The following LYPLAL1 variants were observed in gnomAD, a reference collection of about 807,000 sequenced individuals.
The protein encoded by LYPLAL1 is lysophospholipase like 1.
LYPLAL1 carries 23 observed loss-of-function variants against 19.7 expected under a neutral mutation model. The observed-to-expected ratio is 1.17, with a 90% confidence interval of 0.84 to 1.65. The LOEUF (loss-of-function observed/expected upper bound fraction) is 1.65. Among genes scored for constraint, LYPLAL1 ranks in the 40% most tolerant of loss-of-function variants. The probability of loss-of-function intolerance (pLI) is 0.00; values close to 1 mark genes in which losing one functional copy is unlikely to be tolerated. For missense variants in LYPLAL1, 355 were observed against 279.4 expected, an observed-to-expected ratio of 1.27 and a Z score of -1.93; for synonymous variants, 119 against 96.3, an observed-to-expected ratio of 1.24 and a Z score of -1.38.
the LYPLAL1 span, among the ~76,000 whole-genome samples, chr1:219,311,672 A>G: frequency 6.6e-6 from 1 of 152,104 alleles, no homozygotes; most frequent in African/African-American, 2.4e-5. Flanking sequence ...AATACATTTA[A>G]TCTTTCTCAT....
chr1:219,222,932 C>G, the LYPLAL1 span: 2 of 152,200 alleles, frequency 1.3e-5, no homozygotes, highest in East Asian at 3.9e-4. Context: ...CCTTCAACTT[C>G]TGTTATAAGA....
At chr1:219,248,711 G>A in the LYPLAL1 span, among the ~76,000 whole-genome samples, 1 of 152,032 alleles carries the variant, frequency 6.6e-6, no homozygotes, top group Non-Finnish European at 1.5e-5. Flanking sequence ...GTTGCTTCAG[G>A]GCGTGAAGGC....
the LYPLAL1 span, among the ~76,000 whole-genome samples, chr1:219,317,750 A>G: frequency 6.6e-6 from 1 of 152,200 alleles, no homozygotes; most frequent in Non-Finnish European, 1.5e-5. Flanking sequence ...TCCTGATAGT[A>G]TACTCCTGCA....
chr1:219,250,771 G>A, the LYPLAL1 span, among the ~76,000 whole-genome samples: 2 of 151,942 alleles, frequency 1.3e-5, no homozygotes, highest in Non-Finnish European at 2.9e-5. Context: ...ACATTCACAT[G>A]CATGTGTCTT....
At chr1:219,273,468 T>G in the LYPLAL1 span, 1 of 152,354 alleles carries the variant, frequency 6.6e-6, no homozygotes, top group Non-Finnish European at 1.5e-5. Flanking sequence ...TGTGTTTTTC[T>G]TAGGCACCTA....
the LYPLAL1 span, among the ~76,000 whole-genome samples, chr1:219,380,888 T>G: frequency 6.6e-6 from 1 of 152,156 alleles, no homozygotes; most frequent in African/African-American, 2.4e-5. Context: ...CTAATAAAAT[T>G]GTATTTATGC....
At chr1:219,280,274 A>G in the LYPLAL1 span, among the ~76,000 whole-genome samples, 4 of 152,218 alleles carry the variant, frequency 2.6e-5, no homozygotes, top group Non-Finnish European at 5.9e-5. Flanking sequence ...AATACGTATT[A>G]TATAAAGTTT....
At chr1:219,348,074 G>T in the LYPLAL1 span, among the ~76,000 whole-genome samples, 2 of 152,234 alleles carry the variant, frequency 1.3e-5, no homozygotes, top group Non-Finnish European at 2.9e-5. Flanking sequence ...CCAGCAGTGA[G>T]CACTGCTAAC....
intron 3 of LYPLAL1, among the ~76,000 whole-genome samples, chr1:219,198,387 A>T (rs1393118264): frequency 6.6e-6 from 1 of 152,088 alleles, no homozygotes; most frequent in Non-Finnish European, 1.5e-5. Context: ...TTCATGGGTG[A>T]TATAAAAACT....
the LYPLAL1 span, among the ~76,000 whole-genome samples, chr1:219,324,092 C>A: frequency 2.0e-5 from 3 of 152,124 alleles, no homozygotes; most frequent in African/African-American, 7.2e-5. Flanking sequence ...CTGTAAGGCC[C>A]CTTTTTCCTG....
chr1:219,307,838 G>A, the LYPLAL1 span, among the ~76,000 whole-genome samples: 68 of 152,136 alleles, frequency 4.5e-4, no homozygotes, highest in African/African-American at 1.4e-3. Flanking sequence ...TTTTCTTGCC[G>A]CCGCCATGTA....
the LYPLAL1 span, among the ~76,000 whole-genome samples, chr1:219,428,313 C>T: frequency 1.3e-5 from 2 of 152,302 alleles, no homozygotes; most frequent in Middle Eastern, 3.4e-3. Context: ...TAGTGGAACT[C>T]GAGTTTTGCC....
chr1:219,432,469 G>GGGTA, the LYPLAL1 span, among the ~76,000 whole-genome samples: 7 of 152,092 alleles, frequency 4.6e-5, no homozygotes, highest in Admixed American at 4.6e-4. Flanking sequence ...TGGGGTGGGT[G>GGGTA]GGTAACAGTG....
the LYPLAL1 span, among the ~76,000 whole-genome samples, chr1:219,330,681 T>C: frequency 1.3e-5 from 2 of 152,344 alleles, no homozygotes; most frequent in East Asian, 3.9e-4. Flanking sequence ...TAATTGCTTT[T>C]ATCCAAATCA....
rs1657770435 is a variant in LYPLAL1, at chr1:219,198,207, G to A, written c.361+4956G>A. Among the ~76,000 whole-genome samples, 3 of 151,902 alleles carry A rather than the reference G, an allele frequency of 2.0e-5. No homozygotes were observed. In the South Asian group the frequency reaches 6.2e-4, roughly 31 times the overall value. ...AATGCTCCAGGGTAGTTTTCTGATT[G>A]ACAGCATATACAGAAGTATTTCAGC... is the stretch of plus-strand genomic sequence containing the variant. On this transcript the variant is annotated intron_variant, in intron 3 of 4. Transcript: ENST00000366928.
the LYPLAL1 span, among the ~76,000 whole-genome samples, chr1:219,366,258 C>T: frequency 6.6e-6 from 1 of 152,102 alleles, no homozygotes; most frequent in African/African-American, 2.4e-5. Context: ...ATCCAATATG[C>T]ACTGAATTTT....
chr1:219,307,051 T>G, the LYPLAL1 span, among the ~76,000 whole-genome samples: 1 of 130,210 alleles, frequency 7.7e-6, no homozygotes, highest in East Asian at 2.6e-4. Context: ...TGTATATATA[T>G]ATATATAATC....
chr1:219,231,396 C>G, the LYPLAL1 span, among the ~76,000 whole-genome samples: 1 of 152,086 alleles, frequency 6.6e-6, no homozygotes, highest in Non-Finnish European at 1.5e-5. Flanking sequence ...TAGTCATTCT[C>G]CGGACTAAAA....
At chr1:219,309,632 T>A in the LYPLAL1 span, among the ~76,000 whole-genome samples, 3 of 152,170 alleles carry the variant, frequency 2.0e-5, no homozygotes, top group Non-Finnish European at 4.4e-5. Context: ...GATGATTTCA[T>A]CAGGGGTTTC....
Sources: gnomAD v4.1 joint callset for allele counts (sites outside exome capture counted in the v4.1 genomes callset) on GRCh38, gnomAD v4.1.1 for gene constraint, MANE v1.5 for transcripts, NCBI Gene and HGNC (gene_info 2026-07-23, HGNC 2026-07-21) for gene names.